The following SNRPN variants were observed in gnomAD, a reference collection of about 807,000 sequenced individuals.
The protein encoded by SNRPN is small nuclear ribonucleoprotein polypeptide N, also known as small nuclear ribonucleoprotein-associated protein N.
A neutral mutation model predicts 25.2 loss-of-function variants in SNRPN; 7 were observed. The observed-to-expected ratio is 0.28, with a 90% confidence interval of 0.16 to 0.52. SNRPN has a LOEUF of 0.52. Ranked by LOEUF, SNRPN falls within the 20% of genes least tolerant of loss-of-function variation. The probability of loss-of-function intolerance (pLI) is 0.96; values close to 1 mark genes in which losing one functional copy is unlikely to be tolerated. For synonymous variants in SNRPN, 124 were observed against 110.6 expected (o/e 1.12, Z -0.76); for missense variants, 196 against 322.5 (o/e 0.61, Z 3.00).
chr15:24,930,474 G>C (rs2060742006), intron 3 of SNRPN, among the ~76,000 whole-genome samples: 1 of 151,354 alleles, frequency 6.6e-6, no homozygotes, highest in African/African-American at 2.4e-5. Flanking sequence ...AGCTTTGCTG[G>C]CTGTGGTACA....
At position 24,918,763 on chromosome 15, in the gene SNRPN, C is replaced by CAT. The variant is rs72520741; in HGVS notation, c.-504-1238_-504-1237dup. 6.4e-5 allele frequency among the ~76,000 whole-genome samples: 2 copies of CAT among 31,384 alleles called. 1 individual carries two copies. The highest frequency in any genetic ancestry group is 3.4e-4 in the African/African-American group (2 of 5,876). 20.6% of individuals were successfully genotyped at this position (31,384 alleles called of 152,430 possible). ...ATATATAACATAATATATATGTGTG[C>CAT]ATATATATATAACATAATATATATG... On this transcript the variant is annotated intron_variant, in intron 2 of 11. Transcript: ENST00000400097.
intron 3 of SNRPN, chr15:24,942,424 T>C (rs2061609287): frequency 6.6e-6 from 1 of 152,216 alleles, no homozygotes; most frequent in African/African-American, 2.4e-5. Context: ...CTTTCCACCA[T>C]TCTATGAAAT....
intron 3 of SNRPN, among the ~76,000 whole-genome samples, chr15:24,933,130 G>A (rs1231444071): frequency 6.6e-6 from 1 of 152,098 alleles, no homozygotes; most frequent in Non-Finnish European, 1.5e-5. Flanking sequence ...TTGGAGGTGC[G>A]TGCTGATAGT....
At chr15:24,932,898 C>T (rs967174307) in intron 3 of SNRPN, among the ~76,000 whole-genome samples, 3 of 152,260 alleles carry the variant, frequency 2.0e-5, no homozygotes, top group Admixed American at 6.5e-5. Context: ...ACCCACCTGC[C>T]GCAGCCTCCC....
At chr15:24,934,594 T>C (rs1229256928) in intron 3 of SNRPN, among the ~76,000 whole-genome samples, 1 of 152,218 alleles carries the variant, frequency 6.6e-6, no homozygotes, top group Non-Finnish European at 1.5e-5. Context: ...GGTTTCACTC[T>C]GTCATCCAGG....
chr15:24,957,812 T>C (rs1045503106), intron 1 of SNRPN, among the ~76,000 whole-genome samples: 1 of 152,176 alleles, frequency 6.6e-6, no homozygotes, highest in African/African-American at 2.4e-5. Context: ...CATTTGGCTA[T>C]TTGCAAGCTG....
rs71922464 is a variant in SNRPN, at chr15:24,918,793, C to CAT, written c.-504-1206_-504-1205dup. On this transcript the variant is annotated intron_variant, in intron 2 of 11. Transcript: ENST00000400097. The stretch of plus-strand genomic sequence containing the variant: ...ATATATAACATAATATATATGTGTG[C>CAT]ATATATATATATAACAATATATATA... 3.5e-4 allele frequency among the ~76,000 whole-genome samples: 4 copies of CAT among 11,344 alleles called. 1 individual carries two copies. The highest frequency in any genetic ancestry group is 4.6e-4 in the African/African-American group (1 of 2,184). 7.4% of individuals were successfully genotyped at this position (11,344 alleles called of 152,430 possible).
At chr15:24,841,283 C>G (rs2051680659) in intron 2 of SNRPN, among the ~76,000 whole-genome samples, 1 of 151,986 alleles carries the variant, frequency 6.6e-6, no homozygotes, top group Non-Finnish European at 1.5e-5. Flanking sequence ...ATACGGCCCA[C>G]TATTGTGTCT....
At chr15:24,912,819 C>G (rs973638525) in intron 2 of SNRPN, among the ~76,000 whole-genome samples, 2 of 152,224 alleles carry the variant, frequency 1.3e-5, no homozygotes, top group African/African-American at 4.8e-5. Flanking sequence ...AAGACATCAT[C>G]TTGGAAACAG....
chr15:24,933,858 G>GA (rs2061047934), intron 3 of SNRPN, among the ~76,000 whole-genome samples: 1 of 152,190 alleles, frequency 6.6e-6, no homozygotes, highest in Non-Finnish European at 1.5e-5. Flanking sequence ...TTGGAAAACA[G>GA]AAAGAATGAG....
chr15:24,972,255 CA>C (rs5811371), intron 3 of SNRPN, among the ~76,000 whole-genome samples: 452 of 108,202 alleles, frequency 4.2e-3, no homozygotes, highest in African/African-American at 0.011. Context: ...GACTCTGTCT[CA>C]AAAAAAAAAA....
At chr15:24,827,400 A>G (rs980190213) in intron 1 of SNRPN, among the ~76,000 whole-genome samples, 8 of 151,400 alleles carry the variant, frequency 5.3e-5, no homozygotes. Flanking sequence ...CTGTAGTCCC[A>G]GCATACTCAG....
rs148889280 is a variant in SNRPN at position 24,834,001 on chromosome 15, C to G, written c.-579+4096C>G. On this transcript the variant is annotated intron_variant, in intron 2 of 12. Transcript: ENST00000400100. Reference sequence around the variant, plus strand: ...AGTGCAGTGGCATGATATTGGCTCACTGCAACCTCCACCTACCAGATTCAA... The same window carrying G: ...AGTGCAGTGGCATGATATTGGCTCAGTGCAACCTCCACCTACCAGATTCAA... Among the ~76,000 whole-genome samples the G allele has an allele frequency of 7.4e-3, 1,123 of 152,238 alleles. 10 individuals carry two copies. Among genetic ancestry groups the G allele is most frequent in the Non-Finnish European group, 0.012 (813 of 68,028 alleles).
chr15:24,948,310 C>A (rs998068988), intron 3 of SNRPN, among the ~76,000 whole-genome samples: 1 of 151,994 alleles, frequency 6.6e-6, no homozygotes, highest in Non-Finnish European at 1.5e-5. Context: ...GACGGGGTTT[C>A]ATCATGTTGG....
intron 1 of SNRPN, among the ~76,000 whole-genome samples, chr15:24,858,217 AG>A (rs1215231563): frequency 6.6e-6 from 1 of 152,030 alleles, no homozygotes; most frequent in Non-Finnish European, 1.5e-5. Context: ...GGCATGATGG[AG>A]GGGGGTTGTT....
At chr15:24,974,979 A>G (rs980996523) in intron 4 of SNRPN, 15 of 702,908 alleles carry the variant, frequency 2.1e-5, no homozygotes, top group African/African-American at 2.1e-4. Flanking sequence ...ATAGAAATAA[A>G]GAGGGCTTTG....
chr15:24,939,881 C>T (rs1164340126), intron 3 of SNRPN, among the ~76,000 whole-genome samples: 5 of 151,578 alleles, frequency 3.3e-5, no homozygotes, highest in Non-Finnish European at 1.5e-5. Context: ...CCTCCACCTT[C>T]CGGGTTCAAG....
intron 2 of SNRPN, among the ~76,000 whole-genome samples, chr15:24,918,578 A>G (rs2059734753): frequency 8.9e-6 from 1 of 112,428 alleles, no homozygotes; most frequent in Non-Finnish European, 1.7e-5. Context: ...ATATGTATAT[A>G]TATAACATAA....
At chr15:24,965,405 T>C (rs1250477858) in intron 2 of SNRPN, among the ~76,000 whole-genome samples, 1 of 152,038 alleles carries the variant, frequency 6.6e-6, no homozygotes, top group Non-Finnish European at 1.5e-5. Context: ...GGTGTGGTAG[T>C]GTGCACCTGT....
Sources: gnomAD v4.1 joint callset for allele counts (sites outside exome capture counted in the v4.1 genomes callset) on GRCh38, gnomAD v4.1.1 for gene constraint, MANE v1.5 for transcripts, NCBI Gene and HGNC (gene_info 2026-07-23, HGNC 2026-07-21) for gene names.